SLC44A5: variants seen among roughly 807,000 people sequenced by gnomAD.
The protein encoded by SLC44A5 is choline transporter-like protein 5.
In SLC44A5, 57 loss-of-function variants were observed where a neutral mutation model predicts 101.8. The ratio of observed to expected loss-of-function variants is 0.56; its 90% confidence interval spans 0.45 to 0.70. The LOEUF is 0.70. Among genes scored for constraint, SLC44A5 ranks in the 30% least tolerant of loss-of-function variants. The pLI is 0.00. For synonymous variants in SLC44A5, 281 were observed against 290.9 expected, an observed-to-expected ratio of 0.97 and a Z score of 0.35; for missense variants, 737 against 853.1, an observed-to-expected ratio of 0.86 and a Z score of 1.70.
chr1:75,284,039 G>A (rs544207543), intron 5 of SLC44A5, among the ~76,000 whole-genome samples: 6 of 152,166 alleles, frequency 3.9e-5, no homozygotes, highest in Non-Finnish European at 7.4e-5. Context: ...CTTCTGTGAA[G>A]AATAATGGTA....
At chr1:75,374,920 C>A (rs1313290347) in intron 3 of SLC44A5, among the ~76,000 whole-genome samples, 1 of 152,194 alleles carries the variant, frequency 6.6e-6, no homozygotes, top group African/African-American at 2.4e-5. Flanking sequence ...GAGAAGCAAT[C>A]AGTGCAAGAA....
chr1:75,704,327 A>C, the SLC44A5 span, among the ~76,000 whole-genome samples: 1 of 152,068 alleles, frequency 6.6e-6, no homozygotes, highest in South Asian at 2.1e-4. Flanking sequence ...CTTTAACAAC[A>C]GGAAAATAAA....
intron 3 of SLC44A5, among the ~76,000 whole-genome samples, chr1:75,353,621 C>T (rs572551420): frequency 2.0e-5 from 3 of 152,318 alleles, no homozygotes; most frequent in East Asian, 3.9e-4. Flanking sequence ...TCCACACAGG[C>T]TGATGCCAGT....
intron 1 of SLC44A5, chr1:75,582,481 C>A: frequency 5.0e-6 from 3 of 598,806 alleles, no homozygotes; most frequent in East Asian, 5.5e-5. Flanking sequence ...AGGATCAAAC[C>A]AAGGCCCAGC....
At chr1:75,331,889 C>T (rs1176156335) in intron 4 of SLC44A5, among the ~76,000 whole-genome samples, 1 of 152,138 alleles carries the variant, frequency 6.6e-6, no homozygotes, top group African/African-American at 2.4e-5. Flanking sequence ...TCAATTGTCA[C>T]CTCCATAAAG....
At chr1:75,271,888 C>G (rs1167792839) in intron 6 of SLC44A5, among the ~76,000 whole-genome samples, 1 of 152,072 alleles carries the variant, frequency 6.6e-6, no homozygotes, top group Non-Finnish European at 1.5e-5. Context: ...TAAGGAAACC[C>G]CATACTGTTT....
chr1:75,364,134 G>C (rs932527781), intron 3 of SLC44A5, among the ~76,000 whole-genome samples: 4 of 152,056 alleles, frequency 2.6e-5, no homozygotes, highest in Admixed American at 1.3e-4. Flanking sequence ...GATGTGTCTT[G>C]GTGAGTTTCT....
At chr1:75,273,090 T>G (rs1032642449) in intron 6 of SLC44A5, among the ~76,000 whole-genome samples, 8 of 152,172 alleles carry the variant, frequency 5.3e-5, no homozygotes, top group Non-Finnish European at 1.0e-4. Context: ...TGTAGAGATC[T>G]TTCACCTTGT....
At chr1:75,356,209 CAAA>C (rs35660365) in intron 3 of SLC44A5, among the ~76,000 whole-genome samples, 6 of 76,106 alleles carry the variant, frequency 7.9e-5, no homozygotes, top group Middle Eastern at 8.9e-3. Flanking sequence ...AAGACTGCCT[CAAA>C]AAAAAAAAAA....
At chr1:75,406,368 C>G (rs926189175) in intron 2 of SLC44A5, among the ~76,000 whole-genome samples, 1 of 152,096 alleles carries the variant, frequency 6.6e-6, no homozygotes, top group Non-Finnish European at 1.5e-5. Flanking sequence ...TTTATGAGAC[C>G]AGCATCATCC....
intron 3 of SLC44A5, among the ~76,000 whole-genome samples, chr1:75,375,411 T>A (rs2101200059): frequency 6.6e-6 from 1 of 152,316 alleles, no homozygotes; most frequent in East Asian, 1.9e-4. Flanking sequence ...GGAAAACATA[T>A]CTGAGGATAC....
chr1:75,471,043 T>A (rs1667079535), intron 2 of SLC44A5, among the ~76,000 whole-genome samples: 1 of 152,156 alleles, frequency 6.6e-6, no homozygotes, highest in Non-Finnish European at 1.5e-5. Context: ...TCAAATATAA[T>A]GCAGAGAGGG....
the SLC44A5 span, among the ~76,000 whole-genome samples, chr1:75,622,881 A>G: frequency 6.6e-6 from 1 of 152,198 alleles, no homozygotes; most frequent in Non-Finnish European, 1.5e-5. Flanking sequence ...CAGTTTACCA[A>G]CTCATTCCCT....
rs541716600 is a variant in SLC44A5 at position 75,306,368 on chromosome 1, C to T, written c.102-5683G>A. On this transcript the variant is annotated intron_variant, in intron 4 of 23. Transcript: ENST00000370859. ...TCCCGTGAATTATTAGTGAGATGCA[C>T]CCTTCACTGACAGTCTAATGCATCA... 5.3e-5 allele frequency among the ~76,000 whole-genome samples: 8 copies of T among 152,268 alleles called. 1 individual carries two copies. Among genetic ancestry groups the T allele is most frequent in the Middle Eastern group, 3.4e-3 (1 of 294 alleles).
intron 2 of SLC44A5, among the ~76,000 whole-genome samples, chr1:75,483,711 T>G (rs1057473801): frequency 6.6e-6 from 1 of 152,226 alleles, no homozygotes; most frequent in African/African-American, 2.4e-5. Context: ...AGATGATCTC[T>G]AAGAAATTTT....
At chr1:75,304,309 TGTGTG>T (rs369109956) in intron 4 of SLC44A5, among the ~76,000 whole-genome samples, 88,671 of 151,528 alleles carry the variant, frequency 0.59, 26,330 homozygotes, top group East Asian at 0.84. Context: ...TGTGTGTGTG[TGTGTG>T]TGTGTGTGTG....
chr1:75,649,032 T>C, the SLC44A5 span, among the ~76,000 whole-genome samples: 1 of 152,228 alleles, frequency 6.6e-6, no homozygotes, highest in African/African-American at 2.4e-5. Flanking sequence ...TCTTGTGATG[T>C]AGCTGGGAAA....
At chr1:75,598,001 GA>G (rs1262645187) in intron 1 of SLC44A5, among the ~76,000 whole-genome samples, 8 of 151,836 alleles carry the variant, frequency 5.3e-5, no homozygotes, top group African/African-American at 1.7e-4. Context: ...AGAGTAAAAA[GA>G]AAACCTAGAG....
At chr1:75,471,992 T>G (rs954662926) in intron 2 of SLC44A5, among the ~76,000 whole-genome samples, 1 of 150,628 alleles carries the variant, frequency 6.6e-6, no homozygotes, top group African/African-American at 2.4e-5. Context: ...CTCATGTCTC[T>G]CTAAGCAGGA....
Sources: gnomAD v4.1 joint callset for allele counts (sites outside exome capture counted in the v4.1 genomes callset) on GRCh38, gnomAD v4.1.1 for gene constraint, MANE v1.5 for transcripts, NCBI Gene and HGNC (gene_info 2026-07-23, HGNC 2026-07-21) for gene names.